SSH2: variants seen among roughly 807,000 people sequenced by gnomAD.
SSH2 encodes the protein protein phosphatase Slingshot homolog 2.
SSH2 carries 37 observed loss-of-function variants against 135.2 expected under a neutral mutation model. The ratio of observed to expected loss-of-function variants is 0.27; its 90% CI spans 0.21 to 0.36. The LOEUF (loss-of-function observed/expected upper bound fraction) is 0.36. Among genes scored for constraint, SSH2 ranks in the 10% least tolerant of loss-of-function variants. The pLI, the probability that SSH2 is intolerant of heterozygous loss-of-function variation, is 1.00. For missense variants in SSH2, 1,408 were observed against 1,765.3 expected (o/e 0.80, Z 3.63); for synonymous variants, 628 against 646.2 (o/e 0.97, Z 0.43).
chr17:29,827,913 C>T (rs776301429), intron 2 of SSH2, among the ~76,000 whole-genome samples: 4 of 152,118 alleles, frequency 2.6e-5, no homozygotes, highest in Non-Finnish European at 1.5e-5. Flanking sequence ...AGGATAATTA[C>T]ATATGATAGA....
intron 1 of SSH2, among the ~76,000 whole-genome samples, chr17:29,890,082 A>T (rs915200823): frequency 1.3e-5 from 2 of 152,374 alleles, no homozygotes; most frequent in East Asian, 1.9e-4. Context: ...ATCATTAGCC[A>T]CTAGGGAAAT....
chr17:29,709,052 A>AGAGAGAGAGAGAGC (rs1491229455), intron 3 of SSH2, among the ~76,000 whole-genome samples: 22 of 144,652 alleles, frequency 1.5e-4, no homozygotes, highest in African/African-American at 4.4e-4. Flanking sequence ...AGAGAGAGAG[A>AGAGAGAGAGAGAGC]GCTAATAATA....
chr17:29,662,084 G>A (rs1056451148), intron 11 of SSH2, among the ~76,000 whole-genome samples: 1 of 152,120 alleles, frequency 6.6e-6, no homozygotes, highest in African/African-American at 2.4e-5. Context: ...TTTCCATTAT[G>A]TTCTATGTAA....
intron 1 of SSH2, among the ~76,000 whole-genome samples, chr17:29,924,522 C>G (rs1283978532): frequency 1.3e-5 from 2 of 152,134 alleles, no homozygotes; most frequent in Non-Finnish European, 2.9e-5. Flanking sequence ...TCAGAATCAT[C>G]ATTAGGAACG....
At chr17:29,638,535 C>G (rs1224765452) in intron 14 of SSH2, among the ~76,000 whole-genome samples, 2 of 150,628 alleles carry the variant, frequency 1.3e-5, no homozygotes, top group East Asian at 3.9e-4. Flanking sequence ...CACACACACA[C>G]ACACACACAC....
chr17:29,782,141 G>A (rs371146297), intron 3 of SSH2, among the ~76,000 whole-genome samples: 10 of 151,872 alleles, frequency 6.6e-5, no homozygotes, highest in African/African-American at 2.2e-4. Flanking sequence ...CCACCATGCC[G>A]GCCCTATGTT....
chr17:29,838,282 G>A (rs2151376030), intron 2 of SSH2, among the ~76,000 whole-genome samples: 1 of 152,350 alleles, frequency 6.6e-6, no homozygotes, highest in East Asian at 1.9e-4. Flanking sequence ...TCACTGACAA[G>A]CATGAGATGG....
At chr17:29,640,228 G>A (rs551988910) in intron 14 of SSH2, among the ~76,000 whole-genome samples, 25 of 152,142 alleles carry the variant, frequency 1.6e-4, no homozygotes, top group African/African-American at 5.5e-4. Context: ...ACAGGCACCC[G>A]CCACCACGCC....
At chr17:29,796,594 G>A (rs556774811) in intron 2 of SSH2, among the ~76,000 whole-genome samples, 17 of 152,094 alleles carry the variant, frequency 1.1e-4, no homozygotes, top group East Asian at 3.9e-4. Flanking sequence ...CGCCCACCTC[G>A]GCCTCCCATG....
chr17:29,673,501 C>T (rs1341816113), intron 8 of SSH2, among the ~76,000 whole-genome samples: 12 of 150,946 alleles, frequency 7.9e-5, no homozygotes, highest in African/African-American at 2.0e-4. Context: ...ACCTGGGAGA[C>T]GGAGGCTGTA....
intron 1 of SSH2, among the ~76,000 whole-genome samples, chr17:29,877,720 G>GA (rs2066059563): frequency 6.6e-6 from 1 of 151,644 alleles, no homozygotes; most frequent in Admixed American, 6.6e-5. Context: ...CAGAGGCTGA[G>GA]AAGAGTAGTA....
intron 3 of SSH2, among the ~76,000 whole-genome samples, chr17:29,741,900 C>T (rs1273530517): frequency 6.6e-6 from 1 of 150,536 alleles, no homozygotes; most frequent in African/African-American, 2.4e-5. Flanking sequence ...CAGGAGTGAG[C>T]CACCATACCC....
At chr17:29,910,805 G>T (rs916625916) in intron 1 of SSH2, among the ~76,000 whole-genome samples, 1 of 151,998 alleles carries the variant, frequency 6.6e-6, no homozygotes, top group African/African-American at 2.4e-5. Flanking sequence ...TTGTGTGAAT[G>T]ATATACTTCA....
At chr17:29,725,112 C>G (rs942491498) in intron 3 of SSH2, among the ~76,000 whole-genome samples, 1 of 150,618 alleles carries the variant, frequency 6.6e-6, no homozygotes, top group African/African-American at 2.4e-5. Flanking sequence ...CTCTGGGAGG[C>G]CAAGACGGGC....
At chr17:29,760,726 T>A (rs543559267) in intron 3 of SSH2, among the ~76,000 whole-genome samples, 319 of 142,738 alleles carry the variant, frequency 2.2e-3, no homozygotes, top group African/African-American at 7.5e-3. Context: ...ATAGAAACTT[T>A]AAAAAAAAAA....
intron 3 of SSH2, among the ~76,000 whole-genome samples, chr17:29,709,763 C>T (rs183242586): frequency 4.6e-5 from 7 of 152,096 alleles, no homozygotes; most frequent in Non-Finnish European, 7.4e-5. Flanking sequence ...CACCACTTCC[C>T]CAACAAGGCC....
At chr17:29,763,517 C>T (rs2041371182) in intron 3 of SSH2, among the ~76,000 whole-genome samples, 1 of 147,988 alleles carries the variant, frequency 6.8e-6, no homozygotes, top group Admixed American at 6.7e-5. Context: ...AAAAAGCAGG[C>T]GCGTTAGAAC....
Position 29,730,438 on chromosome 17 carries a change from C to CT in SSH2, c.189-27377dup, listed in dbSNP as rs113317053. ...TTACCCTGATGTGATTTGACTTTTT[C>CT]TTTTTTTTTTTTTTGGAGACAAGGT... On this transcript the variant is annotated intron_variant, in intron 3 of 15. Coordinates refer to ENST00000540801, the MANE Select transcript of SSH2 (RefSeq NM_001282129.2). Among the ~76,000 whole-genome samples the CT allele has an allele frequency of 2.5e-3, 341 of 138,472 alleles. 1 individual carries two copies. Among genetic ancestry groups the CT allele is most frequent in the African/African-American group, 6.1e-3 (233 of 37,930 alleles). The allele number at this position is 138,472 out of a possible 152,430, so 90.8% of individuals were successfully genotyped here.
intron 1 of SSH2, among the ~76,000 whole-genome samples, chr17:29,918,432 TC>T (rs1475787011): frequency 6.6e-6 from 1 of 152,164 alleles, no homozygotes; most frequent in African/African-American, 2.4e-5. Flanking sequence ...GAACCCAGTG[TC>T]TACAATCACA....
Sources: gnomAD v4.1 joint callset for allele counts (sites outside exome capture counted in the v4.1 genomes callset) on GRCh38, gnomAD v4.1.1 for gene constraint, MANE v1.5 for transcripts, NCBI Gene and HGNC (gene_info 2026-07-23, HGNC 2026-07-21) for gene names.